PRKG1: variants seen among roughly 807,000 people sequenced by gnomAD.
PRKG1 encodes cGMP-dependent protein kinase 1.
A neutral mutation model predicts 88.1 loss-of-function variants in PRKG1; 35 were observed. The observed-to-expected ratio is 0.40, with a 90% CI of 0.30 to 0.53. PRKG1 has a LOEUF of 0.53. PRKG1 is among the 20% of genes least tolerant of loss of function. The pLI is 0.59. For missense variants in PRKG1, 540 were observed against 839.8 expected, an observed-to-expected ratio of 0.64 and a Z score of 4.41; for synonymous variants, 303 against 292.5, an observed-to-expected ratio of 1.04 and a Z score of -0.37.
intron 3 of PRKG1, among the ~76,000 whole-genome samples, chr10:51,729,266 T>C (rs1289659342): frequency 6.6e-6 from 1 of 152,242 alleles, no homozygotes; most frequent in Non-Finnish European, 1.5e-5. Flanking sequence ...GTTCAAAGCT[T>C]GGCTAGAATA....
chr10:51,443,154 C>T (rs1839171627), intron 2 of PRKG1, among the ~76,000 whole-genome samples: 2 of 151,990 alleles, frequency 1.3e-5, no homozygotes, highest in Admixed American at 6.6e-5. Flanking sequence ...AAAGGAATAC[C>T]CTACCATATT....
At chr10:52,148,296 A>G (rs1837787584) in intron 8 of PRKG1, among the ~76,000 whole-genome samples, 1 of 152,144 alleles carries the variant, frequency 6.6e-6, no homozygotes, top group Non-Finnish European at 1.5e-5. Flanking sequence ...TAACCATCCT[A>G]CAATGCACAG....
In PRKG1 at chr10:51,399,898, A is replaced by G. The variant is rs137868710; in HGVS notation, c.479-67825A>G. ...AGCATGGAATGTGGGTGCCGGGGGC[A>G]GAGGTCTCCTCATTGGGCAGGATCC... is the stretch of plus-strand genomic sequence containing the variant. On this transcript the variant is annotated intron_variant, in intron 2 of 17. Transcript: ENST00000373980. Among the ~76,000 whole-genome samples the G allele has an allele frequency of 2.8e-3, 427 of 152,324 alleles. 2 individuals are homozygous for G. The highest frequency in any genetic ancestry group is 9.6e-3 in the African/African-American group (399 of 41,576).
rs74881234 is a variant in PRKG1, at chr10:51,755,870, C to A, written c.593-48715C>A. On this transcript the variant is annotated intron_variant, in intron 3 of 17. Transcript: ENST00000373980. ...ATATTCCAAACAAGTGGCTAACCAT[C>A]TCCATGAATACTTTCAATAATGAAA... Among the ~76,000 whole-genome samples the A allele has an allele frequency of 8.2e-3, 1,254 of 152,250 alleles. 15 individuals carry two copies. Among genetic ancestry groups the A allele is most frequent in the African/African-American group, 0.029 (1,189 of 41,546 alleles).
intron 1 of PRKG1, among the ~76,000 whole-genome samples, chr10:51,113,252 G>A (rs1845021774): frequency 6.6e-6 from 1 of 152,238 alleles, no homozygotes; most frequent in South Asian, 2.1e-4. Context: ...TGCACAGCTA[G>A]TCAGTAGCAC....
At chr10:51,435,272 G>A (rs529178098) in intron 2 of PRKG1, among the ~76,000 whole-genome samples, 5 of 151,826 alleles carry the variant, frequency 3.3e-5, no homozygotes, top group African/African-American at 4.8e-5. Context: ...GTTTTATAAC[G>A]GATTGATCTT....
chr10:51,803,683 C>T (rs1016810702), intron 3 of PRKG1, among the ~76,000 whole-genome samples: 8 of 152,118 alleles, frequency 5.3e-5, no homozygotes, highest in African/African-American at 1.9e-4. Context: ...AGCTCTTCCT[C>T]AGACTACATT....
intron 3 of PRKG1, among the ~76,000 whole-genome samples, chr10:51,718,141 A>G (rs1466047011): frequency 6.6e-6 from 1 of 152,218 alleles, no homozygotes; most frequent in African/African-American, 2.4e-5. Context: ...AAAACAACAA[A>G]TTGATATAGT....
At chr10:51,022,417 T>C (rs1388331019) in intron 1 of PRKG1, among the ~76,000 whole-genome samples, 1 of 152,212 alleles carries the variant, frequency 6.6e-6, no homozygotes, top group Non-Finnish European at 1.5e-5. Flanking sequence ...ATTTCACCTT[T>C]GTGGCATGCT....
At position 52,298,041 on chromosome 10, in the gene PRKG1, A is replaced by G. The variant is rs1428017328; in HGVS notation, c.*4141A>G. On this transcript the variant is annotated 3_prime_UTR_variant, in exon 18 of 18. Transcript: ENST00000373980. ...TTCTGAGTAAAGGGACATTTCTTTAAGCATCATCTATCAAATTTATTTCAA... is the reference window on the plus strand; with the variant it reads ...TTCTGAGTAAAGGGACATTTCTTTAGGCATCATCTATCAAATTTATTTCAA... 6.6e-6 allele frequency: 1 copy of G among 152,142 alleles called. No individual in the cohort carries two copies. Among genetic ancestry groups the G allele is most frequent in the Non-Finnish European group, 1.5e-5 (1 of 68,008 alleles). 9.4% of individuals were successfully genotyped at this position (152,142 alleles called of 1,614,324 possible).
At chr10:51,201,279 C>G (rs1216385690) in intron 2 of PRKG1, among the ~76,000 whole-genome samples, 1 of 151,892 alleles carries the variant, frequency 6.6e-6, no homozygotes, top group African/African-American at 2.4e-5. Flanking sequence ...TGGCCAAACT[C>G]CATCTCAACT....
intron 2 of PRKG1, among the ~76,000 whole-genome samples, chr10:51,271,345 C>G (rs1839975706): frequency 6.6e-6 from 1 of 151,598 alleles, no homozygotes; most frequent in South Asian, 2.1e-4. Context: ...TCTGTTTCAT[C>G]TAGTTTCCCA....
intron 3 of PRKG1, among the ~76,000 whole-genome samples, chr10:51,495,717 C>T (rs1840832311): frequency 6.6e-6 from 1 of 152,158 alleles, no homozygotes; most frequent in Non-Finnish European, 1.5e-5. Flanking sequence ...AACATTAATG[C>T]AAGACTTTGG....
chr10:52,261,300 G>C (rs1303268172), intron 10 of PRKG1, among the ~76,000 whole-genome samples: 1 of 151,992 alleles, frequency 6.6e-6, no homozygotes, highest in African/African-American at 2.4e-5. Context: ...TTTGATGAAG[G>C]GTTAAGGTAA....
chr10:51,777,852 A>T (rs953977739), intron 3 of PRKG1, among the ~76,000 whole-genome samples: 1 of 152,130 alleles, frequency 6.6e-6, no homozygotes, highest in Non-Finnish European at 1.5e-5. Flanking sequence ...TGTAGTTGGA[A>T]TTGTATAGTA....
intron 2 of PRKG1, among the ~76,000 whole-genome samples, chr10:51,287,988 A>C (rs942721713): frequency 1.3e-5 from 2 of 152,096 alleles, no homozygotes; most frequent in Non-Finnish European, 1.5e-5. Flanking sequence ...TCTGGATCCT[A>C]TGTATTTTGT....
chr10:51,839,150 ATT>A (rs567682997), intron 4 of PRKG1, among the ~76,000 whole-genome samples: 3 of 142,396 alleles, frequency 2.1e-5, no homozygotes, highest in Non-Finnish European at 3.2e-5. Context: ...CTTTATTATT[ATT>A]TTTTTAACAG....
intron 3 of PRKG1, among the ~76,000 whole-genome samples, chr10:51,640,245 A>T (rs1308023522): frequency 6.6e-6 from 1 of 152,186 alleles, no homozygotes; most frequent in Non-Finnish European, 1.5e-5. Flanking sequence ...TCATAGCATT[A>T]CATGTATTCA....
rs894810859 is a variant in PRKG1 at position 51,732,201 on chromosome 10, G to A, written c.593-72384G>A. 5.3e-5 allele frequency among the ~76,000 whole-genome samples: 8 copies of A among 152,050 alleles called. No homozygotes were observed. In the East Asian group the frequency reaches 9.7e-4, roughly 18 times the overall value. ...CAGCCTCCCAGAGTGCTGGGTCTAC[G>A]GGCATGAGCCAACACACCTGGCCCA... On this transcript the variant is annotated intron_variant, in intron 3 of 17. Transcript: ENST00000373980.
Sources: allele counts gnomAD v4.1 joint callset (sites outside exome capture counted in the v4.1 genomes callset), GRCh38; gene constraint gnomAD v4.1.1; transcripts MANE v1.5; gene names NCBI Gene and HGNC (gene_info 2026-07-23, HGNC 2026-07-21).